FMNL2: variants seen among roughly 807,000 people sequenced by gnomAD.
FMNL2 encodes the protein formin-like protein 2.
FMNL2 carries 51 observed loss-of-function variants against 130.2 expected under a neutral mutation model. The observed-to-expected ratio is 0.39, with a 90% CI of 0.31 to 0.49. The LOEUF (loss-of-function observed/expected upper bound fraction) is 0.49. FMNL2 is among the 20% of genes least tolerant of loss of function. The pLI, the probability that FMNL2 is intolerant of heterozygous loss-of-function variation, is 0.85. For synonymous variants in FMNL2, 465 were observed against 467.1 expected, an observed-to-expected ratio of 1.00 and a Z score of 0.06; for missense variants, 977 against 1,316.2, an observed-to-expected ratio of 0.74 and a Z score of 3.99.
chr2:152,531,829 C>T (rs1693716624), intron 2 of FMNL2, among the ~76,000 whole-genome samples: 1 of 152,084 alleles, frequency 6.6e-6, no homozygotes, highest in Non-Finnish European at 1.5e-5. Flanking sequence ...TGTAGGTCTT[C>T]ATGTTATTAG....
intron 2 of FMNL2, among the ~76,000 whole-genome samples, chr2:152,536,180 T>C (rs1338235337): frequency 1.3e-5 from 2 of 152,240 alleles, no homozygotes; most frequent in East Asian, 3.8e-4. Flanking sequence ...GGTGCACTGT[T>C]CTTGGCCTCT....
At chr2:152,360,988 G>A (rs1683134828) in intron 1 of FMNL2, among the ~76,000 whole-genome samples, 1 of 152,074 alleles carries the variant, frequency 6.6e-6, no homozygotes, top group Admixed American at 6.6e-5. Flanking sequence ...TGCTAAGATT[G>A]GAAACATTTG....
At chr2:152,437,143 A>C (rs1483112308) in intron 1 of FMNL2, among the ~76,000 whole-genome samples, 1 of 152,214 alleles carries the variant, frequency 6.6e-6, no homozygotes, top group East Asian at 1.9e-4. Context: ...GGCTTTACCC[A>C]TATGAATTAA....
chr2:152,516,426 T>A (rs1692774297), intron 1 of FMNL2, among the ~76,000 whole-genome samples: 1 of 152,176 alleles, frequency 6.6e-6, no homozygotes, highest in African/African-American at 2.4e-5. Flanking sequence ...GACATGATTT[T>A]CCCTGCTTCC....
intron 1 of FMNL2, among the ~76,000 whole-genome samples, chr2:152,473,965 C>T (rs923690327): frequency 1.2e-4 from 18 of 152,200 alleles, no homozygotes; most frequent in African/African-American, 3.6e-4. Flanking sequence ...ACCTCCACGT[C>T]CCAGGTTCAA....
At chr2:152,599,463 C>T (rs563799102) in intron 9 of FMNL2, among the ~76,000 whole-genome samples, 91 of 101,884 alleles carry the variant, frequency 8.9e-4, no homozygotes, top group African/African-American at 3.2e-3. Flanking sequence ...AGACATTTCT[C>T]ATTGAAGGGG....
intron 15 of FMNL2, among the ~76,000 whole-genome samples, chr2:152,622,330 C>A (rs1028935849): frequency 2.0e-5 from 3 of 152,144 alleles, no homozygotes; most frequent in African/African-American, 7.2e-5. Context: ...TTTCTTCCCT[C>A]TTCTAAAAAG....
chr2:152,387,047 A>C (rs1684826867), intron 1 of FMNL2, among the ~76,000 whole-genome samples: 3 of 152,184 alleles, frequency 2.0e-5, no homozygotes, highest in Admixed American at 1.3e-4. Flanking sequence ...TGGTTCATAG[A>C]TATTTCATGA....
At chr2:152,432,356 G>A (rs775019861) in intron 1 of FMNL2, among the ~76,000 whole-genome samples, 1 of 152,178 alleles carries the variant, frequency 6.6e-6, no homozygotes, top group Non-Finnish European at 1.5e-5. Context: ...TCAAAGCAGA[G>A]CGGAAGCATT....
chr2:152,592,737 G>A (rs1169211023), intron 9 of FMNL2, among the ~76,000 whole-genome samples: 1 of 152,102 alleles, frequency 6.6e-6, no homozygotes, highest in Non-Finnish European at 1.5e-5. Context: ...CAGAGCAAAT[G>A]GGCCTACTGA....
At chr2:152,516,821 A>G (rs567343096) in intron 1 of FMNL2, among the ~76,000 whole-genome samples, 3 of 152,284 alleles carry the variant, frequency 2.0e-5, no homozygotes, top group Middle Eastern at 3.4e-3. Flanking sequence ...ATCTGTGGGT[A>G]TAACTTGAGA....
chr2:152,444,606 G>C (rs1688240607), intron 1 of FMNL2, among the ~76,000 whole-genome samples: 1 of 152,188 alleles, frequency 6.6e-6, no homozygotes. Flanking sequence ...GAGGTAGTGA[G>C]CTTGCGTGCT....
At chr2:152,415,104 A>G (rs2106016779) in intron 1 of FMNL2, among the ~76,000 whole-genome samples, 1 of 152,286 alleles carries the variant, frequency 6.6e-6, no homozygotes, top group African/African-American at 2.4e-5. Flanking sequence ...GCTGTGGTGC[A>G]GAAACCTACA....
chr2:152,445,821 G>A (rs1236864251), intron 1 of FMNL2, among the ~76,000 whole-genome samples: 1 of 152,200 alleles, frequency 6.6e-6, no homozygotes, highest in African/African-American at 2.4e-5. Flanking sequence ...CACACAGATA[G>A]AATTGCCATC....
chr2:152,368,888 G>A (rs1428372250), intron 1 of FMNL2, among the ~76,000 whole-genome samples: 1 of 147,870 alleles, frequency 6.8e-6, no homozygotes, highest in Non-Finnish European at 1.5e-5. Context: ...TTTGCTTATA[G>A]GAATAGTTCA....
At chr2:152,576,614 C>T (rs1696493952) in intron 7 of FMNL2, among the ~76,000 whole-genome samples, 1 of 152,050 alleles carries the variant, frequency 6.6e-6, no homozygotes, top group Non-Finnish European at 1.5e-5. Context: ...ACACTTTGAA[C>T]CCAGAGAACC....
chr2:152,451,852 G>T (rs530151389), intron 1 of FMNL2, among the ~76,000 whole-genome samples: 5 of 152,140 alleles, frequency 3.3e-5, no homozygotes, highest in East Asian at 3.9e-4. Context: ...CTCACATTTT[G>T]ATAAGCCTAG....
chr2:152,367,906 C>T (rs1039049129), intron 1 of FMNL2, among the ~76,000 whole-genome samples: 28 of 152,138 alleles, frequency 1.8e-4, no homozygotes, highest in African/African-American at 6.0e-4. Flanking sequence ...CACCACTCTG[C>T]GGTTTTGCCC....
At chr2:152,390,234 G>C in intron 1 of FMNL2, 2 of 1,455,766 alleles carry the variant, frequency 1.4e-6, no homozygotes, top group Non-Finnish European at 9.6e-7. Flanking sequence ...GAAGGACATG[G>C]TGGTGGACAT....
Sources: gnomAD v4.1 joint callset for allele counts (sites outside exome capture counted in the v4.1 genomes callset) on GRCh38, gnomAD v4.1.1 for gene constraint, MANE v1.5 for transcripts, NCBI Gene and HGNC (gene_info 2026-07-23, HGNC 2026-07-21) for gene names.